DVL1: variants seen among roughly 807,000 people sequenced by gnomAD.
DVL1 encodes segment polarity protein dishevelled homolog DVL-1.
In DVL1, 49 loss-of-function variants were observed where a neutral mutation model predicts 65.0. The observed-to-expected ratio is 0.75, with a 90% CI of 0.60 to 0.96. The LOEUF is 0.96. DVL1 is among the 40% of genes least tolerant of loss of function. The pLI is 0.00. For missense variants in DVL1, 1,197 were observed against 1,045.4 expected (o/e 1.15, Z -2.00); for synonymous variants, 608 against 433.9 (o/e 1.40, Z -4.99).
intron 1 of DVL1, among the ~76,000 whole-genome samples, chr1:1,346,767 C>T (rs1282235330): frequency 6.6e-6 from 1 of 152,216 alleles, no homozygotes; most frequent in African/African-American, 2.4e-5. Flanking sequence ...GAACCCCCGA[C>T]TCACCAGGGC....
intron 4 of DVL1, 53 bp downstream of exon 4, chr1:1,341,999 TG>T: frequency 4.7e-6 from 7 of 1,498,830 alleles, no homozygotes; most frequent in Non-Finnish European, 6.3e-6. Context: ...ACATGGCTCA[TG>T]GGGGTCCCAG....
At chr1:1,338,843 C>T (rs1643682296) in intron 11 of DVL1, among the ~76,000 whole-genome samples, 190 bp from the exon 12 acceptor site, 2 of 152,190 alleles carry the variant, frequency 1.3e-5, no homozygotes, top group South Asian at 4.1e-4. Flanking sequence ...GGGGGTTGGA[C>T]ATTTAGTCTC....
In DVL1 at chr1:1,336,544, G is replaced by A. The variant is rs140192690; in HGVS notation, c.1715-29C>T. ...GGAGTGAGAACAGGATGGGGAAGGAGCCTGTCAGCACCAGGCCCGGCCACG... is the reference window on the plus strand; with the variant it reads ...GGAGTGAGAACAGGATGGGGAAGGAACCTGTCAGCACCAGGCCCGGCCACG... On this transcript the variant is annotated intron_variant, in intron 14 of 14. Coordinates refer to ENST00000378888, the MANE Select transcript of DVL1 (RefSeq NM_001330311.2). 0.022 allele frequency: 32,613 copies of A among 1,487,068 alleles called. 447 individuals are homozygous for A. The highest frequency in any genetic ancestry group is 0.026 in the Non-Finnish European group (29,541 of 1,128,624). The allele number at this position is 1,487,068 out of a possible 1,614,324, so 92.1% of individuals were successfully genotyped here. A position where few individuals can be genotyped will look rare whatever the true frequency, so the allele number is the denominator to read the frequency against.
rs1480231135 is a variant in DVL1 at position 1,336,032 on chromosome 1, C to A, written c.*110G>T. ...CAGATGGTGGTGGTCCAGCCTGCCC[C>A]CCACCCTGCCTCCCGTCCTGGCCCC... On this transcript the variant is annotated 3_prime_UTR_variant, in exon 15 of 15. Coordinates refer to ENST00000378888, the MANE Select transcript of DVL1 (RefSeq NM_001330311.2). 1.4e-6 allele frequency: 2 copies of A among 1,413,300 alleles called. No individual in the cohort carries two copies. Among genetic ancestry groups the A allele is most frequent in the East Asian group, 5.0e-5 (2 of 39,692 alleles). 87.5% of individuals were successfully genotyped at this position (1,413,300 alleles called of 1,614,324 possible).
rs763648375 is a variant in DVL1, at chr1:1,340,009, A to G, written c.909+29T>C. ...TCCCCACGGACCCACCCGCAGCTAC[A>G]TGTCACCCCGCAGCCCCCACAGACA... On this transcript the variant is annotated intron_variant, in intron 8 of 14. Transcript: ENST00000378888. 7.5e-6 allele frequency: 12 copies of G among 1,589,746 alleles called. No homozygotes were observed. In the South Asian group the frequency reaches 8.9e-5, roughly 12 times the overall value.
intron 1 of DVL1, among the ~76,000 whole-genome samples, chr1:1,346,431 C>A (rs1311094153): frequency 6.6e-6 from 1 of 152,206 alleles, no homozygotes; most frequent in Non-Finnish European, 1.5e-5. Flanking sequence ...AAACACCCTC[C>A]CTCCTCTGCC....
At position 1,336,134 on chromosome 1, in the gene DVL1, G is replaced by A. The variant is rs186463928; in HGVS notation, c.*8C>T. 5.3e-4 allele frequency: 832 copies of A among 1,572,512 alleles called. 2 individuals carry two copies. The highest frequency in any genetic ancestry group is 1.7e-3 in the African/African-American group (127 of 74,642). Reference sequence around the variant, plus strand: ...CACCTCAGGCAGGGCTGGGGCATGCGCCACGAGTCACATGATGTCCACGAA... The same window carrying A: ...CACCTCAGGCAGGGCTGGGGCATGCACCACGAGTCACATGATGTCCACGAA... On this transcript the variant is annotated 3_prime_UTR_variant, in exon 15 of 15. Coordinates refer to ENST00000378888, the MANE Select transcript of DVL1 (RefSeq NM_001330311.2).
At chr1:1,339,044 G>A (rs1364763757) in intron 11 of DVL1, among the ~76,000 whole-genome samples, 2 of 152,198 alleles carry the variant, frequency 1.3e-5, no homozygotes. Context: ...CTCTGACGCC[G>A]TGGGTGCTCC....
intron 1 of DVL1, among the ~76,000 whole-genome samples, chr1:1,343,395 A>G (rs1643876969): frequency 6.6e-6 from 1 of 151,876 alleles, no homozygotes; most frequent in Non-Finnish European, 1.5e-5. Flanking sequence ...CCTCAGGTCC[A>G]CCGCTCCACC....
rs1481112041 is a variant in DVL1, at chr1:1,339,425, G to A, written c.1069C>T (p.Pro357Ser). The A allele has an allele frequency of 6.5e-7, 1 of 1,548,538 alleles. No homozygotes were observed. ...FTVPRADPVRPIDPAAWLSHT... is the reference protein window; with the variant it reads ...FTVPRADPVRSIDPAAWLSHT... ...GACAGCCAGGCGGCGGGGTCGATGGGCCGCACCGGGTCAGCTGGGTGGCCG... is the reference window on the plus strand; with the variant it reads ...GACAGCCAGGCGGCGGGGTCGATGGACCGCACCGGGTCAGCTGGGTGGCCG... The change falls in exon 11 of 15, where the codon CCC (proline) becomes TCC (serine). Residue 357 changes from proline (P) to serine (S), a missense_variant. Physicochemically the swap from Pro to Ser is moderately conservative, Grantham distance 74 (BLOSUM62 -1). Coordinates refer to ENST00000378888, the MANE Select transcript of DVL1 (RefSeq NM_001330311.2).
chr1:1,349,157 G>A lies in DVL1; in HGVS notation c.-92C>T, dbSNP rs1215493109. 3 of 768,928 alleles carry A rather than the reference G, an allele frequency of 3.9e-6. No individual in the cohort carries two copies. Among genetic ancestry groups the A allele is most frequent in the Non-Finnish European group, 4.7e-6 (3 of 638,806 alleles). The allele number at this position is 768,928 out of a possible 1,614,324, so 47.6% of individuals were successfully genotyped here. On this transcript the variant is annotated 5_prime_UTR_variant, in exon 1 of 15. Coordinates refer to ENST00000378888, the MANE Select transcript of DVL1 (RefSeq NM_001330311.2). The surrounding 1 kb of genome is among the most constrained non-coding windows in gnomAD (Gnocchi z 4.1). ...CCGCCCGCCCGCCTGCGCCCCGCCC[G>A]GCCCGCACCGCTCTCGGCCCCGACG... is the stretch of plus-strand genomic sequence containing the variant.
rs760489981 is a variant in DVL1, at chr1:1,342,413, C to G, written c.312G>C (p.Pro104=). 1.9e-6 allele frequency: 3 copies of G among 1,592,444 alleles called. No homozygotes were observed. The highest frequency in any genetic ancestry group is 2.6e-6 in the Non-Finnish European group (3 of 1,169,328). ...QGTDSHTDLP[P]PLERTGGIGD... ...CGATGCCGCCTGTCCGCTCAAGAGG[C>G]GGGGGCAGGTCTGTGTGGCTGTCCG... Residue 104 remains proline, a synonymous_variant, in exon 3 of 15, where the codon CCG becomes CCC. Transcript: ENST00000378888.
At position 1,338,193 on chromosome 1, in the gene DVL1, GA is replaced by G; in HGVS notation, c.1508-11del. The G allele has an allele frequency of 6.3e-7, 1 of 1,597,584 alleles. No individual in the cohort carries two copies. The highest frequency in any genetic ancestry group is 8.5e-7 in the Non-Finnish European group (1 of 1,171,538). ...TTCAGGGTGGCGAGATCTGGCGGGG[GA>G]GGGTAGGTGAGGGCCGCGGAGGGGC... On this transcript the variant is annotated splice_polypyrimidine_tract_variant and intron_variant, in intron 13 of 14. Coordinates refer to ENST00000378888, the MANE Select transcript of DVL1 (RefSeq NM_001330311.2).
intron 4 of DVL1, 27 bp from the exon 5 acceptor site, chr1:1,341,832 A>T: frequency 6.4e-7 from 1 of 1,553,966 alleles, no homozygotes; most frequent in East Asian, 2.3e-5. Flanking sequence ...TTGGGAACTG[A>T]CTGCAGGGTC....
chr1:1,347,027 T>C (rs1026677203), intron 1 of DVL1, among the ~76,000 whole-genome samples: 1 of 152,038 alleles, frequency 6.6e-6, no homozygotes, highest in Non-Finnish European at 1.5e-5. Context: ...AAGGAAGTAA[T>C]TGATGAGGGT....
chr1:1,344,753 G>C (rs1480338259), intron 1 of DVL1, among the ~76,000 whole-genome samples: 2 of 152,176 alleles, frequency 1.3e-5, no homozygotes, highest in African/African-American at 4.8e-5. Flanking sequence ...GAGCAACCCA[G>C]GGTGAGGCGG....
chr1:1,347,591 G>A (rs1477551449), intron 1 of DVL1, among the ~76,000 whole-genome samples: 1 of 152,140 alleles, frequency 6.6e-6, no homozygotes, highest in Admixed American at 6.5e-5. Flanking sequence ...TAGTAACTTT[G>A]GTAACTTTCG....
At chr1:1,339,147 C>T (rs1358932787) in intron 11 of DVL1, 140 bp downstream of exon 11, 8 of 1,187,448 alleles carry the variant, frequency 6.7e-6, no homozygotes, top group East Asian at 2.6e-5. Context: ...CCTGTGCACA[C>T]GTCTGTGCAG....
rs778929271 is a variant in DVL1 at position 1,338,383 on chromosome 1, G to C, written c.1393C>G (p.Arg465Gly). The part of the protein sequence containing the change: ...YTHVEGFKER[R>G]EARKYASSLL... ...CTGCTGGCGTACTTCCGGGCCTCCC[G>C]CCGCTCCTTGAAGCCCTCCACGTGT... The change falls in exon 13 of 15, where the codon CGG becomes GGG. Residue 465 changes from arginine to glycine, a missense_variant. Arg to Gly is a moderately radical substitution (Grantham distance 125). Coordinates refer to ENST00000378888, the MANE Select transcript of DVL1 (RefSeq NM_001330311.2). The C allele has an allele frequency of 1.2e-6, 2 of 1,612,644 alleles. No individual in the cohort carries two copies. Among genetic ancestry groups the C allele is most frequent in the African/African-American group, 1.3e-5 (1 of 75,014 alleles).
Sources: gnomAD v4.1 joint callset for allele counts (sites outside exome capture counted in the v4.1 genomes callset) on GRCh38, gnomAD v4.1.1 for gene constraint, Gnocchi (gnomAD v3.1) non-coding constraint, MANE v1.5 for transcripts, NCBI Gene and HGNC (gene_info 2026-07-23, HGNC 2026-07-21) for gene names.